Variants in KPNA7 observed in about 807,000 individuals in gnomAD.
KPNA7 encodes importin subunit alpha-8.
KPNA7 carries 54 observed loss-of-function variants against 53.7 expected under a neutral mutation model. That is an observed-to-expected ratio of 1.01 (90% CI 0.81 to 1.26). The LOEUF is 1.26. Among genes scored for constraint, KPNA7 ranks in the 50% most tolerant of loss-of-function variants. The pLI is 0.00. For synonymous variants in KPNA7, 276 were observed against 259.3 expected, an observed-to-expected ratio of 1.06 and a Z score of -0.62; for missense variants, 640 against 644.5, an observed-to-expected ratio of 0.99 and a Z score of 0.07.
chr7:99,154,996 T>C, the KPNA7 span, among the ~76,000 whole-genome samples: 1 of 152,116 alleles, frequency 6.6e-6, no homozygotes, highest in Non-Finnish European at 1.5e-5. Flanking sequence ...TCTATACCTA[T>C]ACTAACACAT....
At chr7:99,164,754 A>C in the KPNA7 span, among the ~76,000 whole-genome samples, 1 of 152,324 alleles carries the variant, frequency 6.6e-6, no homozygotes, top group Non-Finnish European at 1.5e-5. Context: ...CACTGGAGTC[A>C]TCAAAGACAC....
chr7:99,200,381 A>G (rs1478487225), intron 3 of KPNA7, among the ~76,000 whole-genome samples: 3 of 152,152 alleles, frequency 2.0e-5, no homozygotes, highest in Non-Finnish European at 4.4e-5. Context: ...GAATCATCGA[A>G]TGCCAGGCCC....
downstream of KPNA7, among the ~76,000 whole-genome samples, chr7:99,170,188 C>T (rs1490167130): frequency 6.6e-6 from 1 of 152,134 alleles, no homozygotes; most frequent in Non-Finnish European, 1.5e-5. Context: ...GGACATCAGA[C>T]ATCTGATGGA....
the KPNA7 span, among the ~76,000 whole-genome samples, chr7:99,167,883 C>G: frequency 7.6e-4 from 115 of 152,106 alleles, no homozygotes; most frequent in African/African-American, 2.7e-3. Context: ...CCCACTGATT[C>G]TACATGATGG....
rs1790866609 is a variant in KPNA7, at chr7:99,207,394, T to C, written c.66+7A>G. ...CCAATAGAAGCAGGTGGGTGCTTCA[T>C]ACTCACAGACACATCTTTGCCTCGG... On this transcript the variant is annotated splice_region_variant and intron_variant, in intron 2 of 10. Transcript: ENST00000327442. 1.3e-6 allele frequency: 2 copies of C among 1,551,068 alleles called. No homozygotes were observed. The highest frequency in any genetic ancestry group is 3.9e-5 in the Admixed American group (2 of 50,926).
intron 6 of KPNA7, among the ~76,000 whole-genome samples, chr7:99,190,758 T>C (rs1789907100): frequency 6.6e-6 from 1 of 151,368 alleles, no homozygotes; most frequent in Admixed American, 6.6e-5. Context: ...AGCGATCCTC[T>C]CGCCTTGCCT....
At chr7:99,203,374 T>A in intron 2 of KPNA7, 134 bp from the exon 3 acceptor site, 1 of 797,764 alleles carries the variant, frequency 1.3e-6, no homozygotes, top group Non-Finnish European at 2.0e-6. Context: ...ATCACACAGT[T>A]AGTAAATCAT....
chr7:99,172,537 C>A (rs1798788017), downstream of KPNA7, among the ~76,000 whole-genome samples: 1 of 151,946 alleles, frequency 6.6e-6, no homozygotes, highest in African/African-American at 2.4e-5. Flanking sequence ...CATAGTAAGA[C>A]CCCATCTCTA....
At chr7:99,153,030 TATA>T in the KPNA7 span, among the ~76,000 whole-genome samples, 1 of 152,352 alleles carries the variant, frequency 6.6e-6, no homozygotes. Context: ...GGAATATTTT[TATA>T]ATAACGGGCT....
At chr7:99,217,264 G>A (rs1356676771) in intron 1 of KPNA7, among the ~76,000 whole-genome samples, 2 of 152,182 alleles carry the variant, frequency 1.3e-5, no homozygotes, top group East Asian at 1.9e-4. Flanking sequence ...ATGGTAATTC[G>A]AGGAGGGGAT....
At chr7:99,152,448 T>G in the KPNA7 span, among the ~76,000 whole-genome samples, 1 of 151,956 alleles carries the variant, frequency 6.6e-6, no homozygotes, top group African/African-American at 2.4e-5. Flanking sequence ...TCCCTTTCTC[T>G]GTGGACATCA....
chr7:99,157,419 G>A, the KPNA7 span, among the ~76,000 whole-genome samples: 1 of 152,224 alleles, frequency 6.6e-6, no homozygotes, highest in African/African-American at 2.4e-5. Context: ...ATGTTAGTCA[G>A]GCTGGTCTTG....
At chr7:99,163,996 T>C in the KPNA7 span, among the ~76,000 whole-genome samples, 5 of 151,964 alleles carry the variant, frequency 3.3e-5, no homozygotes, top group South Asian at 1.0e-3. Flanking sequence ...CAATAGGTGC[T>C]AGAGAGGATG....
the KPNA7 span, among the ~76,000 whole-genome samples, chr7:99,158,336 T>G: frequency 2.5e-3 from 382 of 152,256 alleles, no homozygotes; most frequent in Non-Finnish European, 4.5e-3. Flanking sequence ...TAATTTTCTT[T>G]CCTCTATGTT....
downstream of KPNA7, among the ~76,000 whole-genome samples, chr7:99,172,286 T>C (rs1798784159): frequency 6.6e-6 from 1 of 152,198 alleles, no homozygotes; most frequent in African/African-American, 2.4e-5. Context: ...TAGAAAGTTC[T>C]GGCCTCTGGG....
In KPNA7 at chr7:99,188,486, C is replaced by T. The variant is rs1216156528; in HGVS notation, c.714G>A (p.Ala238=). 2.0e-5 allele frequency: 31 copies of T among 1,551,576 alleles called. No homozygotes were observed. Among genetic ancestry groups the T allele is most frequent in the Middle Eastern group, 3.3e-4 (2 of 6,014 alleles). Residue 238 remains alanine, a synonymous_variant, in exon 7 of 11, where the codon GCG becomes GCA. Transcript: ENST00000327442. The stretch of plus-strand genomic sequence containing the variant: ...GGAGGGCCGGCAGTATCTGCTTCAC[C>T]GCAGTGTCGCAAGGGTATGGGTTCT... ...RNKNPYPCDT[A]VKQILPALLH...
chr7:99,149,927 TCAGA>T, the KPNA7 span, among the ~76,000 whole-genome samples: 1 of 152,028 alleles, frequency 6.6e-6, no homozygotes, highest in Non-Finnish European at 1.5e-5. Context: ...CCCGAGTAGC[TCAGA>T]CAGACTGCAG....
chr7:99,199,065 G>GA (rs67877761), intron 3 of KPNA7, among the ~76,000 whole-genome samples: 11,435 of 59,710 alleles, frequency 0.19, 1,067 homozygotes, highest in African/African-American at 0.26. Flanking sequence ...GCTGCAAACT[G>GA]AAAAAAAAAA....
At chr7:99,150,837 C>T in the KPNA7 span, among the ~76,000 whole-genome samples, 2 of 152,136 alleles carry the variant, frequency 1.3e-5, no homozygotes, top group Non-Finnish European at 2.9e-5. Flanking sequence ...GTGCAGAACC[C>T]GTAACCAAAT....
Sources: gnomAD v4.1 joint callset for allele counts (sites outside exome capture counted in the v4.1 genomes callset) on GRCh38, gnomAD v4.1.1 for gene constraint, MANE v1.5 for transcripts, NCBI Gene and HGNC (gene_info 2026-07-23, HGNC 2026-07-21) for gene names.